SHISA6: variants seen among roughly 807,000 people sequenced by gnomAD.
The protein encoded by SHISA6 is protein shisa-6.
A neutral mutation model predicts 47.9 loss-of-function variants in SHISA6; 22 were observed. The observed-to-expected ratio is 0.46, with a 90% CI of 0.33 to 0.66. SHISA6 has a LOEUF of 0.66. Among genes scored for constraint, SHISA6 ranks in the 30% least tolerant of loss-of-function variants. SHISA6 has a pLI of 0.02. For synonymous variants in SHISA6, 388 were observed against 337.8 expected, an observed-to-expected ratio of 1.15 and a Z score of -1.63; for missense variants, 680 against 764.6, an observed-to-expected ratio of 0.89 and a Z score of 1.30.
chr17:11,404,113 G>A (rs1913866533), intron 3 of SHISA6, among the ~76,000 whole-genome samples: 1 of 152,346 alleles, frequency 6.6e-6, no homozygotes, highest in African/African-American at 2.4e-5. Context: ...GCAGCTTTTA[G>A]GGAGATCAAA....
intron 3 of SHISA6, among the ~76,000 whole-genome samples, chr17:11,498,516 T>C (rs554007554): frequency 6.6e-6 from 1 of 152,294 alleles, no homozygotes; most frequent in Non-Finnish European, 1.5e-5. Context: ...AGGAGAGGAA[T>C]TGGAATGTTC....
chr17:11,380,559 C>T (rs1912975288), intron 3 of SHISA6: 1 of 152,186 alleles, frequency 6.6e-6, no homozygotes, highest in African/African-American at 2.4e-5. Context: ...CTAAAAGATA[C>T]ATTCTGGGCC....
chr17:11,507,356 A>C (rs192921558), intron 3 of SHISA6, among the ~76,000 whole-genome samples: 1 of 152,224 alleles, frequency 6.6e-6, no homozygotes, highest in East Asian at 1.9e-4. Context: ...TGATGTATGG[A>C]GCAGAGCACC....
chr17:11,263,199 C>T (rs1452459369), intron 1 of SHISA6, among the ~76,000 whole-genome samples, 167 bp from the exon 2 acceptor site: 9 of 151,980 alleles, frequency 5.9e-5, no homozygotes, highest in Admixed American at 5.9e-4. Context: ...ACCCTGTGTC[C>T]CCCCTGAGAC....
chr17:11,427,828 T>C (rs144302015), intron 3 of SHISA6, among the ~76,000 whole-genome samples: 55 of 152,200 alleles, frequency 3.6e-4, no homozygotes, highest in Non-Finnish European at 2.9e-5. Flanking sequence ...TGGCATGGAT[T>C]CATGGCACCC....
At chr17:11,420,101 G>C (rs1283432242) in intron 3 of SHISA6, among the ~76,000 whole-genome samples, 8 of 152,166 alleles carry the variant, frequency 5.3e-5, no homozygotes. Context: ...CTACTTGGGA[G>C]GCTGAGGCAG....
intron 4 of SHISA6, among the ~76,000 whole-genome samples, chr17:11,553,207 T>C (rs933263019): frequency 2.6e-5 from 4 of 152,076 alleles, no homozygotes; most frequent in Non-Finnish European, 4.4e-5. Flanking sequence ...GAGCTGAAGA[T>C]GTGAGTGAAG....
intron 3 of SHISA6, among the ~76,000 whole-genome samples, chr17:11,465,859 C>T (rs898017696): frequency 2.6e-5 from 4 of 152,184 alleles, no homozygotes; most frequent in African/African-American, 7.2e-5. Context: ...CCTATCTCCC[C>T]GGCTCTGGAA....
chr17:11,520,752 T>G lies in SHISA6; in HGVS notation c.896-31144T>G, dbSNP rs563857215. Among the ~76,000 whole-genome samples the G allele has an allele frequency of 2.0e-5, 3 of 152,266 alleles. No individual in the cohort carries two copies. In the South Asian group the frequency reaches 6.2e-4, roughly 32 times the overall value. On this transcript the variant is annotated intron_variant, in intron 3 of 5. Coordinates refer to ENST00000441885, the MANE Select transcript of SHISA6 (RefSeq NM_207386.4). ...GGCCCCTTCTCATCCATGAGACCTC[T>G]GCATAAATATCACTTCCTCAGAGAA...
At chr17:11,309,570 GTTAGA>G (rs1226738399) in intron 2 of SHISA6, among the ~76,000 whole-genome samples, 1 of 152,140 alleles carries the variant, frequency 6.6e-6, no homozygotes, top group Non-Finnish European at 1.5e-5. Context: ...AACTTCTGAT[GTTAGA>G]TTTTTACCCT....
In SHISA6 at chr17:11,558,130, G is replaced by A. The variant is rs547536011; in HGVS notation, c.1482G>A (p.Lys494=). The change falls in exon 6 of 6, where the codon AAG becomes AAA. Residue 494 remains lysine (K), a synonymous_variant. Transcript: ENST00000441885. ...TPVLDRYRMS[K]MHSHPSASNN... is the part of the protein sequence containing the mutation. The stretch of plus-strand genomic sequence containing the variant: ...TGCTGGACCGCTACCGCATGAGCAA[G>A]ATGCACTCTCATCCCAGTGCCTCCA... 54 of 1,551,144 alleles carry A rather than the reference G, an allele frequency of 3.5e-5. No individual in the cohort carries two copies. The Admixed American group carries it at 7.8e-4, about 23-fold the overall frequency.
intron 2 of SHISA6, among the ~76,000 whole-genome samples, chr17:11,375,557 C>G (rs1158475751): frequency 2.0e-5 from 3 of 152,092 alleles, no homozygotes; most frequent in Non-Finnish European, 4.4e-5. Context: ...ATTTTTTTCC[C>G]TCCTTTCCTT....
At chr17:11,273,423 G>A (rs529017129) in intron 2 of SHISA6, among the ~76,000 whole-genome samples, 8 of 152,328 alleles carry the variant, frequency 5.3e-5, no homozygotes, top group East Asian at 1.9e-4. Flanking sequence ...AAGGGCAGGC[G>A]TTCTCCTGAT....
At chr17:11,507,842 T>C (rs1174379800) in intron 3 of SHISA6, among the ~76,000 whole-genome samples, 1 of 152,220 alleles carries the variant, frequency 6.6e-6, no homozygotes, top group East Asian at 1.9e-4. Flanking sequence ...CATAACATCC[T>C]CATCCTTTGT....
Position 11,543,910 on chromosome 17 carries a change from C to CAAA in SHISA6, c.896-7972_896-7970dup, listed in dbSNP as rs200573876. Among the ~76,000 whole-genome samples the CAAA allele has an allele frequency of 9.1e-4, 88 of 96,374 alleles. 1 individual carries two copies. Among genetic ancestry groups the CAAA allele is most frequent in the African/African-American group, 2.9e-3 (84 of 28,598 alleles). The allele number at this position is 96,374 out of a possible 152,430, so 63.2% of individuals were successfully genotyped here. A position where few individuals can be genotyped will look rare whatever the true frequency, so the allele number is the denominator to read the frequency against. On this transcript the variant is annotated intron_variant, in intron 3 of 5. Transcript: ENST00000441885. ...TCTAGAGCAATTGGATATTTATAAG[C>CAAA]AAAAAAAAAAAAAAAACAAAAAAAA... is the stretch of plus-strand genomic sequence containing the variant.
intron 3 of SHISA6, among the ~76,000 whole-genome samples, chr17:11,496,790 A>C (rs2071413152): frequency 6.6e-6 from 1 of 151,840 alleles, no homozygotes; most frequent in Non-Finnish European, 1.5e-5. Context: ...GATAGGTAGG[A>C]AACAATGAGA....
At chr17:11,554,651 G>A (rs1443582486) in intron 4 of SHISA6, among the ~76,000 whole-genome samples, 1 of 152,126 alleles carries the variant, frequency 6.6e-6, no homozygotes, top group Non-Finnish European at 1.5e-5. Context: ...ATGACACAGC[G>A]AGACTATAGC....
At chr17:11,494,319 C>A (rs983851898) in intron 3 of SHISA6, among the ~76,000 whole-genome samples, 1 of 152,190 alleles carries the variant, frequency 6.6e-6, no homozygotes, top group African/African-American at 2.4e-5. Flanking sequence ...TTGGCCCAGA[C>A]CTCTTCCCAC....
intron 3 of SHISA6, among the ~76,000 whole-genome samples, chr17:11,495,539 T>A (rs2071400796): frequency 1.3e-5 from 2 of 152,182 alleles, no homozygotes; most frequent in Admixed American, 1.3e-4. Context: ...CAATGCTGGC[T>A]GGCAGAATTT....
Sources: allele counts gnomAD v4.1 joint callset (sites outside exome capture counted in the v4.1 genomes callset), GRCh38; gene constraint gnomAD v4.1.1; transcripts MANE v1.5; gene names NCBI Gene and HGNC (gene_info 2026-07-23, HGNC 2026-07-21).